The following CCDC171 variants were observed in gnomAD, a reference collection of about 807,000 sequenced individuals.
The protein encoded by CCDC171 is coiled-coil domain-containing protein 171.
In CCDC171, 177 loss-of-function variants were observed where a neutral mutation model predicts 168.2. That is an observed-to-expected ratio of 1.05 (90% CI 0.93 to 1.19). The LOEUF (loss-of-function observed/expected upper bound fraction) is 1.19, where lower values mean the gene tolerates loss of function less well. CCDC171 is among the 50% of genes most tolerant of loss of function. The probability of loss-of-function intolerance (pLI) is 0.00; values close to 1 mark genes in which losing one functional copy is unlikely to be tolerated. For missense variants in CCDC171, 1,991 were observed against 1,539.0 expected, an observed-to-expected ratio of 1.29 and a Z score of -4.91; for synonymous variants, 687 against 540.8, an observed-to-expected ratio of 1.27 and a Z score of -3.75.
intron 25 of CCDC171, among the ~76,000 whole-genome samples, chr9:15,941,567 A>C (rs1374800198): frequency 6.6e-6 from 1 of 152,042 alleles, no homozygotes; most frequent in Non-Finnish European, 1.5e-5. Flanking sequence ...TCATCTGATC[A>C]AAATTCTTAT....
downstream of CCDC171, among the ~76,000 whole-genome samples, chr9:15,976,349 C>T (rs993941799): frequency 1.3e-5 from 2 of 151,952 alleles, no homozygotes; most frequent in South Asian, 2.1e-4. Context: ...AAATTCTTTT[C>T]GGTTTCCATT....
intron 8 of CCDC171, among the ~76,000 whole-genome samples, chr9:15,662,979 T>TCAACAACAACAACAACAA (rs139672521): frequency 6.7e-6 from 1 of 150,122 alleles, no homozygotes; most frequent in Non-Finnish European, 1.5e-5. Context: ...AGACTTCGTC[T>TCAACAACAACAACAACAA]CAACAACAAC....
At chr9:15,629,050 C>G in intron 7 of CCDC171, among the ~76,000 whole-genome samples, 1 of 151,978 alleles carries the variant, frequency 6.6e-6, no homozygotes, top group East Asian at 1.9e-4. Context: ...TCATCAAAGA[C>G]CAAAAGTAGA....
the CCDC171 span, among the ~76,000 whole-genome samples, chr9:16,080,116 C>T: frequency 1.3e-5 from 2 of 152,192 alleles, no homozygotes; most frequent in African/African-American, 2.4e-5. Flanking sequence ...GGCCTCTCTG[C>T]TGCATTTATG....
At chr9:15,845,882 A>T (rs1430046565) in intron 21 of CCDC171, among the ~76,000 whole-genome samples, 2 of 152,088 alleles carry the variant, frequency 1.3e-5, no homozygotes, top group African/African-American at 2.4e-5. Flanking sequence ...TACTTCTCTC[A>T]ATTGTGAGCT....
chr9:15,845,664 A>G lies in CCDC171; in HGVS notation c.3268-1038A>G, dbSNP rs556089134. The G allele has an allele frequency of 5.3e-5, 8 of 152,172 alleles. No homozygotes were observed. In the South Asian group the frequency reaches 1.7e-3, roughly 32 times the overall value. The allele number at this position is 152,172 out of a possible 1,614,324, so 9.4% of individuals were successfully genotyped here. ...ATATTTGAAGCACAGTGTGGATGTT[A>G]ATGTGTGGCTAAACTGAGCAAGAAG... On this transcript the variant is annotated intron_variant, in intron 21 of 25. Transcript: ENST00000380701.
rs770523678 is a variant in CCDC171 at position 15,745,638 on chromosome 9, T to G, written c.2671+7T>G. ...GACGTCATTGGTAAAGCAGGTATGG[T>G]TCCTTCTTTTATGTCCTTGCAAAAT... On this transcript the variant is annotated splice_region_variant and intron_variant, in intron 18 of 25. Coordinates refer to ENST00000380701, the MANE Select transcript of CCDC171 (RefSeq NM_173550.4). 2 of 1,516,720 alleles carry G rather than the reference T, an allele frequency of 1.3e-6. No individual in the cohort carries two copies. The highest frequency in any genetic ancestry group is 1.8e-6 in the Non-Finnish European group (2 of 1,125,476). The allele number at this position is 1,516,720 out of a possible 1,614,324, so 94.0% of individuals were successfully genotyped here.
intron 1 of CCDC171, among the ~76,000 whole-genome samples, chr9:16,060,313 G>A (rs947850948): frequency 1.3e-5 from 2 of 152,188 alleles, no homozygotes; most frequent in Admixed American, 6.5e-5. Context: ...GAGGAAAAAC[G>A]GAGCGATGAC....
intron 3 of CCDC171, 49 bp from the exon 4 acceptor site, chr9:15,578,800 T>G: frequency 3.4e-6 from 5 of 1,469,978 alleles, no homozygotes; most frequent in Non-Finnish European, 4.7e-6. Context: ...TTTGAGTGTA[T>G]GATCTCATAA....
At chr9:15,828,566 C>T (rs560881063) in intron 21 of CCDC171, among the ~76,000 whole-genome samples, 6 of 152,234 alleles carry the variant, frequency 3.9e-5, no homozygotes, top group African/African-American at 1.4e-4. Context: ...TGGGTCAAAA[C>T]ACATTTCATC....
rs2042488616 is a variant in CCDC171, at chr9:15,597,763, T to TC, written c.675+3593dup. Reference sequence around the variant, plus strand: ...ACCTCTGGTAGAATTCGGCTGTGAATCCATCTGGTTCTGGACTTTTTTTGG... The same window carrying TC: ...ACCTCTGGTAGAATTCGGCTGTGAATCCCATCTGGTTCTGGACTTTTTTTGG... On this transcript the variant is annotated intron_variant, in intron 6 of 25. Transcript: ENST00000380701. Among the ~76,000 whole-genome samples the TC allele has an allele frequency of 2.0e-5, 3 of 152,198 alleles. No homozygotes were observed. The South Asian group carries it at 6.2e-4, about 32-fold the overall frequency.
chr9:15,645,282 TG>T (rs1372464506), intron 7 of CCDC171, among the ~76,000 whole-genome samples: 1 of 151,938 alleles, frequency 6.6e-6, no homozygotes, highest in Non-Finnish European at 1.5e-5. Flanking sequence ...ACCACAAAGA[TG>T]GGGAAAAAAC....
At chr9:15,856,672 T>C (rs758583848) in intron 23 of CCDC171, among the ~76,000 whole-genome samples, 2 of 152,030 alleles carry the variant, frequency 1.3e-5, no homozygotes, top group Non-Finnish European at 2.9e-5. Flanking sequence ...AACTTGGGAG[T>C]GTATATATTT....
the CCDC171 span, among the ~76,000 whole-genome samples, chr9:16,101,642 G>A: frequency 6.6e-6 from 1 of 152,218 alleles, no homozygotes; most frequent in African/African-American, 2.4e-5. Context: ...AGAGTCCAGA[G>A]AAAAAGGAAG....
chr9:15,909,422 A>G (rs1170800132), intron 24 of CCDC171, among the ~76,000 whole-genome samples: 1 of 143,138 alleles, frequency 7.0e-6, no homozygotes, highest in African/African-American at 2.6e-5. Context: ...ACACACACAC[A>G]CGTGCACATA....
chr9:15,647,561 G>T (rs12553116), intron 7 of CCDC171, among the ~76,000 whole-genome samples: 2,727 of 151,784 alleles, frequency 0.018, 145 homozygotes, highest in Admixed American at 0.11. Context: ...ATGATAAAGG[G>T]GATATCACCA....
intron 7 of CCDC171, among the ~76,000 whole-genome samples, chr9:15,650,791 G>A (rs929582939): frequency 2.6e-5 from 4 of 151,912 alleles, no homozygotes; most frequent in Non-Finnish European, 5.9e-5. Flanking sequence ...TATGTGCATA[G>A]AATGAAATTA....
At chr9:15,822,210 G>A (rs1484244524) in intron 21 of CCDC171, among the ~76,000 whole-genome samples, 6 of 152,046 alleles carry the variant, frequency 3.9e-5, no homozygotes, top group Non-Finnish European at 7.4e-5. Context: ...TTAAATGTCA[G>A]ACCTAAAACC....
At chr9:16,052,092 T>C (rs1328649710) in intron 1 of CCDC171, among the ~76,000 whole-genome samples, 4 of 152,196 alleles carry the variant, frequency 2.6e-5, no homozygotes, top group Admixed American at 1.3e-4. Context: ...GGAGCTACAA[T>C]TCAAGATGAG....
Sources: gnomAD v4.1 joint callset for allele counts (sites outside exome capture counted in the v4.1 genomes callset) on GRCh38, gnomAD v4.1.1 for gene constraint, MANE v1.5 for transcripts, NCBI Gene and HGNC (gene_info 2026-07-23, HGNC 2026-07-21) for gene names.